Variants in SYNDIG1L observed in about 807,000 individuals in gnomAD.
The protein encoded by SYNDIG1L is synapse differentiation inducing 1 like.
SYNDIG1L carries 13 observed loss-of-function variants against 20.1 expected under a neutral mutation model. The observed-to-expected ratio is 0.65, with a 90% CI of 0.42 to 1.03. The LOEUF (loss-of-function observed/expected upper bound fraction) is 1.03. Ranked by LOEUF, SYNDIG1L falls within the 50% of genes least tolerant of loss-of-function variation. SYNDIG1L has a pLI of 0.00. For synonymous variants in SYNDIG1L, 128 were observed against 129.3 expected, an observed-to-expected ratio of 0.99 and a Z score of 0.07; for missense variants, 294 against 305.1, an observed-to-expected ratio of 0.96 and a Z score of 0.27.
the SYNDIG1L span, among the ~76,000 whole-genome samples, chr14:74,434,367 C>T: frequency 6.6e-6 from 1 of 151,968 alleles, no homozygotes; most frequent in Non-Finnish European, 1.5e-5. Context: ...GTGACCTCTA[C>T]CCCTGGCCTG....
the SYNDIG1L span, among the ~76,000 whole-genome samples, chr14:74,447,628 G>C: frequency 6.6e-6 from 1 of 150,866 alleles, no homozygotes; most frequent in Non-Finnish European, 1.5e-5. Flanking sequence ...TGAAAAACTA[G>C]ACAAATCCAC....
At chr14:74,466,459 G>A in the SYNDIG1L span, among the ~76,000 whole-genome samples, 4,417 of 152,228 alleles carry the variant, frequency 0.029, 124 homozygotes, top group African/African-American at 0.069. Flanking sequence ...GACCCTGAAG[G>A]AACTCTGCAT....
chr14:74,447,053 C>A, the SYNDIG1L span, among the ~76,000 whole-genome samples: 1,510 of 152,134 alleles, frequency 9.9e-3, 29 homozygotes, highest in African/African-American at 0.034. Context: ...CTAGCATGGG[C>A]AACATATTGA....
Position 74,414,802 on chromosome 14 carries a change from CT to C in SYNDIG1L, c.-57-5002del, listed in dbSNP as rs1202725233. Among the ~76,000 whole-genome samples, 5 of 152,212 alleles carry C rather than the reference CT, an allele frequency of 3.3e-5. No individual in the cohort carries two copies. The East Asian group carries it at 5.8e-4, about 18-fold the overall frequency. Reference sequence around the variant, plus strand: ...GAATAACAACAGGATAGAGGGCCTCCTTTTTCAGCTGGGGCAGACTAAGTCA... The same window carrying C: ...GAATAACAACAGGATAGAGGGCCTCCTTTTCAGCTGGGGCAGACTAAGTCA... On this transcript the variant is annotated intron_variant, in intron 1 of 3. Coordinates refer to ENST00000331628, the MANE Select transcript of SYNDIG1L (RefSeq NM_001105579.2).
chr14:74,466,208 G>GA, the SYNDIG1L span, among the ~76,000 whole-genome samples: 1 of 152,134 alleles, frequency 6.6e-6, no homozygotes, highest in Non-Finnish European at 1.5e-5. Flanking sequence ...CTGGGGGTGG[G>GA]AAAAATTTGC....
At chr14:74,422,054 G>A (rs1048950261) in intron 1 of SYNDIG1L, among the ~76,000 whole-genome samples, 3 of 152,172 alleles carry the variant, frequency 2.0e-5, no homozygotes, top group African/African-American at 4.8e-5. Context: ...TCCATTTTCA[G>A]GTGGAAATCA....
chr14:74,427,238 G>C (rs1258670467), upstream of SYNDIG1L, among the ~76,000 whole-genome samples: 4 of 151,836 alleles, frequency 2.6e-5, no homozygotes, highest in African/African-American at 9.7e-5. Context: ...AGGTCAGGAG[G>C]AGAGAGTATT....
chr14:74,458,629 A>G, the SYNDIG1L span, among the ~76,000 whole-genome samples: 1 of 151,778 alleles, frequency 6.6e-6, no homozygotes, highest in African/African-American at 2.4e-5. Context: ...CTCAAAAAAA[A>G]AAAAAAAAAA....
chr14:74,471,966 A>C, the SYNDIG1L span: 2 of 152,148 alleles, frequency 1.3e-5, no homozygotes, highest in Non-Finnish European at 2.9e-5. Context: ...TCGACTCTAT[A>C]TTGGTATTGG....
chr14:74,458,183 A>G, the SYNDIG1L span, among the ~76,000 whole-genome samples: 1 of 152,088 alleles, frequency 6.6e-6, no homozygotes, highest in African/African-American at 2.4e-5. Context: ...AGCTGTGAGG[A>G]CTGAGTGAGA....
the SYNDIG1L span, chr14:74,479,887 A>T: frequency 1.0e-6 from 1 of 992,814 alleles, no homozygotes; most frequent in African/African-American, 1.7e-5. Flanking sequence ...CCTGCCTTCC[A>T]TGGTTCTAGC....
chr14:74,413,116 G>A (rs755052923), intron 1 of SYNDIG1L, among the ~76,000 whole-genome samples: 2 of 152,202 alleles, frequency 1.3e-5, no homozygotes, highest in Non-Finnish European at 2.9e-5. Context: ...TTCAAAGCAG[G>A]CAGGGGCAGC....
chr14:74,450,198 C>T, the SYNDIG1L span, among the ~76,000 whole-genome samples: 1 of 152,088 alleles, frequency 6.6e-6, no homozygotes, highest in African/African-American at 2.4e-5. Context: ...ATTCCTATAT[C>T]TATTAGAGAA....
intron 1 of SYNDIG1L, among the ~76,000 whole-genome samples, chr14:74,423,077 A>G (rs1166062178): frequency 6.6e-6 from 1 of 151,880 alleles, no homozygotes; most frequent in African/African-American, 2.4e-5. Context: ...TCACCCAATC[A>G]TGTGCCATAT....
chr14:74,479,899 G>C, the SYNDIG1L span: 2 of 1,085,930 alleles, frequency 1.8e-6, no homozygotes, highest in East Asian at 1.1e-4. Context: ...GGTTCTAGCA[G>C]AATGTACCCT....
the SYNDIG1L span, among the ~76,000 whole-genome samples, chr14:74,441,721 C>T: frequency 6.6e-6 from 1 of 152,064 alleles, no homozygotes; most frequent in Non-Finnish European, 1.5e-5. Flanking sequence ...GTATATTTCT[C>T]AGACTGGTCT....
chr14:74,462,680 A>G, the SYNDIG1L span, among the ~76,000 whole-genome samples: 14,437 of 151,562 alleles, frequency 0.095, 1,301 homozygotes, highest in African/African-American at 0.23. Context: ...TAATTTTTGT[A>G]TTTTTTACAG....
chr14:74,432,212 A>C, the SYNDIG1L span, among the ~76,000 whole-genome samples: 1 of 149,944 alleles, frequency 6.7e-6, no homozygotes, highest in Non-Finnish European at 1.5e-5. Flanking sequence ...AGGGAGAAGA[A>C]GGGATAAGCC....
chr14:74,460,367 C>A, the SYNDIG1L span, among the ~76,000 whole-genome samples: 1 of 152,126 alleles, frequency 6.6e-6, no homozygotes, highest in Admixed American at 6.6e-5. Flanking sequence ...TCCCCAGGGA[C>A]CCCACCCTCC....
Sources: gnomAD v4.1 joint callset for allele counts (sites outside exome capture counted in the v4.1 genomes callset) on GRCh38, gnomAD v4.1.1 for gene constraint, MANE v1.5 for transcripts, NCBI Gene and HGNC (gene_info 2026-07-23, HGNC 2026-07-21) for gene names.